Variants in ABHD17B observed in about 807,000 individuals in gnomAD.
The protein encoded by ABHD17B is abhydrolase domain containing 17B, depalmitoylase, also known as alpha/beta hydrolase domain-containing protein 17B.
In ABHD17B, 9 loss-of-function variants were observed where a neutral mutation model predicts 26.2. The ratio of observed to expected loss-of-function variants is 0.34; its 90% CI spans 0.21 to 0.60. ABHD17B has a LOEUF of 0.60. ABHD17B is among the 20% of genes least tolerant of loss of function. The probability of loss-of-function intolerance (pLI) is 0.80; values close to 1 mark genes in which losing one functional copy is unlikely to be tolerated. For missense variants in ABHD17B, 224 were observed against 352.1 expected (o/e 0.64, Z 2.91); for synonymous variants, 127 against 122.3 (o/e 1.04, Z -0.25).
At position 71,874,948 on chromosome 9, in the gene ABHD17B, G is replaced by A. The variant is rs758489884; in HGVS notation, c.133C>T (p.Arg45Cys). ...YTLMCDESGS[R>C]WTLHLSERAD... ...CGTTCAGACAGATGTAAAGTCCAAC[G>A]GCTTCCGCTTTCATCACACATCAGT... The change falls in exon 2 of 4, where the codon CGT (arginine) becomes TGT (cysteine). Residue 45 changes from arginine to cysteine, a missense_variant. By Grantham distance (180) the Arg-to-Cys change is radical. Transcript: ENST00000333421. 20 of 1,614,030 alleles carry A rather than the reference G, an allele frequency of 1.2e-5. No homozygotes were observed. The highest frequency in any genetic ancestry group is 6.7e-5 in the East Asian group (3 of 44,896).
chr9:71,884,171 AAG>A (rs1826537995), intron 1 of ABHD17B, among the ~76,000 whole-genome samples: 1 of 152,184 alleles, frequency 6.6e-6, no homozygotes, highest in South Asian at 2.1e-4. Context: ...TCAAAACTAA[AAG>A]AAAAAATTAG....
chr9:71,875,065 A>G lies in ABHD17B; in HGVS notation c.16T>C (p.Phe6Leu). 2 of 1,606,466 alleles carry G rather than the reference A, an allele frequency of 1.2e-6. No individual in the cohort carries two copies. The highest frequency in any genetic ancestry group is 1.1e-5 in the South Asian group (1 of 91,008). Reference sequence around the variant, plus strand: ...CAGAAGAGGCAACATAGCTCACTAAATGAAAGATTATTCATGCTCTGAAAA... The same window carrying G: ...CAGAAGAGGCAACATAGCTCACTAAGTGAAAGATTATTCATGCTCTGAAAA... MNNLS[F>L]SELCCLFCCP... Residue 6 changes from phenylalanine to leucine, a missense_variant, in exon 2 of 4, where the codon TTT (phenylalanine) becomes CTT (leucine). Physicochemically the swap from Phe to Leu is conservative, Grantham distance 22 (BLOSUM62 0). Coordinates refer to ENST00000333421, the MANE Select transcript of ABHD17B (RefSeq NM_001025780.3).
At chr9:71,879,349 G>T (rs547720725) in intron 1 of ABHD17B, among the ~76,000 whole-genome samples, 1 of 152,168 alleles carries the variant, frequency 6.6e-6, no homozygotes, top group Non-Finnish European at 1.5e-5. Context: ...ATATGAATAC[G>T]AAGAGGATTG....
In ABHD17B at chr9:71,893,380, T is replaced by C. The variant is rs551601046; in HGVS notation, c.-4+17254A>G. Among the ~76,000 whole-genome samples the C allele has an allele frequency of 9.2e-5, 14 of 152,198 alleles. No homozygotes were observed. In the South Asian group the frequency reaches 1.2e-3, roughly 13 times the overall value. ...ATGCTTCTGACTAACTGGCTATAAA[T>C]TGGGGTTCCCACAACCTCTTACTCC... On this transcript the variant is annotated intron_variant, in intron 1 of 3. Coordinates refer to ENST00000333421, the MANE Select transcript of ABHD17B (RefSeq NM_001025780.3).
Position 71,866,977 on chromosome 9 carries a change from G to A in ABHD17B, c.677C>T (p.Pro226Leu). 6.2e-7 allele frequency: 1 copy of A among 1,614,072 alleles called. No individual in the cohort carries two copies. The highest frequency in any genetic ancestry group is 8.5e-7 in the Non-Finnish European group (1 of 1,180,002). Residue 226 changes from proline to leucine, a missense_variant, in exon 4 of 4, where the codon CCA becomes CTA. Coordinates refer to ENST00000333421, the MANE Select transcript of ABHD17B (RefSeq NM_001025780.3). ...NIDKISKITS[P>L]VLIIHGTEDE... ...TTCAGTCCCATGAATTATTAATACT[G>A]GAGAGGTTATCTTAGAGATTTTGTC...
chr9:71,895,517 T>C (rs896803240), intron 1 of ABHD17B, among the ~76,000 whole-genome samples: 23 of 152,208 alleles, frequency 1.5e-4, no homozygotes, highest in Non-Finnish European at 4.4e-5. Flanking sequence ...AATACCAGTA[T>C]GGAAAAAGGA....
At chr9:71,889,978 G>A (rs1457704392) in intron 1 of ABHD17B, among the ~76,000 whole-genome samples, 12 of 151,658 alleles carry the variant, frequency 7.9e-5, no homozygotes, top group East Asian at 1.9e-4. Context: ...AAGACTGAGC[G>A]GGCTGGGCAA....
downstream of ABHD17B, among the ~76,000 whole-genome samples, chr9:71,864,301 C>A (rs1464033677): frequency 2.2e-5 from 3 of 139,052 alleles, no homozygotes; most frequent in Non-Finnish European, 4.6e-5. Flanking sequence ...CTCACTGCAA[C>A]CTCCACCTCC....
intron 1 of ABHD17B, among the ~76,000 whole-genome samples, chr9:71,892,800 G>A (rs770762106): frequency 1.3e-5 from 2 of 151,862 alleles, no homozygotes; most frequent in Non-Finnish European, 2.9e-5. Flanking sequence ...TTAAATTATG[G>A]TAAAATATAG....
At chr9:71,883,544 C>G (rs1448494182) in intron 1 of ABHD17B, among the ~76,000 whole-genome samples, 1 of 152,186 alleles carries the variant, frequency 6.6e-6, no homozygotes, top group Non-Finnish European at 1.5e-5. Context: ...AAATTCCAGG[C>G]AGATCACAGA....
At chr9:71,906,090 T>C (rs560500741) in intron 1 of ABHD17B, among the ~76,000 whole-genome samples, 1 of 152,038 alleles carries the variant, frequency 6.6e-6, no homozygotes, top group South Asian at 2.1e-4. Flanking sequence ...AAACAAATAG[T>C]GCTGCTCCAT....
intron 1 of ABHD17B, among the ~76,000 whole-genome samples, chr9:71,876,543 T>C (rs1826281417): frequency 6.6e-6 from 1 of 152,092 alleles, no homozygotes; most frequent in Non-Finnish European, 1.5e-5. Flanking sequence ...CATTGCTTAG[T>C]TCCAGAGAAA....
intron 1 of ABHD17B, among the ~76,000 whole-genome samples, chr9:71,889,350 C>T (rs1826711405): frequency 6.6e-6 from 1 of 151,664 alleles, no homozygotes; most frequent in African/African-American, 2.4e-5. Flanking sequence ...GCATGTTACA[C>T]TATTTTTTAA....
In ABHD17B at chr9:71,874,796, G is replaced by C; in HGVS notation, c.285C>G (p.Leu95=). Residue 95 remains leucine, a synonymous_variant, in exon 2 of 4, where the codon CTC becomes CTG. Coordinates refer to ENST00000333421, the MANE Select transcript of ABHD17B (RefSeq NM_001025780.3). ...RCSPNAKYTL[L]FSHGNAVDLG... ...GATCAACAGCATTTCCATGTGAGAA[G>C]AGTAAAGTGTATTTCGCATTGGGTG... is the stretch of plus-strand genomic sequence containing the variant. The C allele has an allele frequency of 6.2e-7, 1 of 1,614,210 alleles. No homozygotes were observed. Among genetic ancestry groups the C allele is most frequent in the East Asian group, 2.2e-5 (1 of 44,890 alleles).
chr9:71,894,941 C>A (rs1826911550), intron 1 of ABHD17B, among the ~76,000 whole-genome samples: 1 of 151,958 alleles, frequency 6.6e-6, no homozygotes, highest in Non-Finnish European at 1.5e-5. Context: ...TATAACATAC[C>A]CCTCCCCACT....
rs2132117239 is a variant in ABHD17B at position 71,866,014 on chromosome 9, T to C, written c.*773A>G. On this transcript the variant is annotated 3_prime_UTR_variant, in exon 4 of 4. Coordinates refer to ENST00000333421, the MANE Select transcript of ABHD17B (RefSeq NM_001025780.3). ...AGATCAGTCAAAATTTAAAACATCGTATACAAAATCATTCTTGAAATCTCT... is the reference window on the plus strand; with the variant it reads ...AGATCAGTCAAAATTTAAAACATCGCATACAAAATCATTCTTGAAATCTCT... 1 of 985,372 alleles carries C rather than the reference T, an allele frequency of 1.0e-6. No homozygotes were observed. The highest frequency in any genetic ancestry group is 1.2e-6 in the Non-Finnish European group (1 of 829,884). 61.0% of individuals were successfully genotyped at this position (985,372 alleles called of 1,614,324 possible).
intron 1 of ABHD17B, among the ~76,000 whole-genome samples, chr9:71,882,488 G>A (rs907351338): frequency 2.6e-5 from 4 of 151,760 alleles, no homozygotes; most frequent in East Asian, 1.9e-4. Flanking sequence ...GTGAAACCCC[G>A]CCTCTACTAA....
intron 1 of ABHD17B, among the ~76,000 whole-genome samples, chr9:71,900,460 G>A: frequency 6.6e-6 from 1 of 151,682 alleles, no homozygotes; most frequent in East Asian, 2.0e-4. Flanking sequence ...GACCAGCCTG[G>A]CCAATAGGGT....
chr9:71,870,102 A>C lies in ABHD17B; in HGVS notation c.628T>G (p.Cys210Gly). The C allele has an allele frequency of 6.2e-7, 1 of 1,610,720 alleles. No individual in the cohort carries two copies. Residue 210 changes from cysteine to glycine, a missense_variant, in exon 3 of 4, where the codon TGT (cysteine) becomes GGT (glycine). Physicochemically the swap from Cys to Gly is radical, Grantham distance 159 (BLOSUM62 -3). Transcript: ENST00000333421. ...ACTTACTTTGGGAATGCATCAAAAC[A>C]GTAGGTCTTCTTGGTATCAGGAAAG... ...VAFPDTKKTYCFDAFPNIDKI... is the reference protein window; with the variant it reads ...VAFPDTKKTYGFDAFPNIDKI...
Sources: gnomAD v4.1 joint callset for allele counts (sites outside exome capture counted in the v4.1 genomes callset) on GRCh38, gnomAD v4.1.1 for gene constraint, MANE v1.5 for transcripts, NCBI Gene and HGNC (gene_info 2026-07-23, HGNC 2026-07-21) for gene names.